LRRN2: variants seen among roughly 807,000 people sequenced by gnomAD.
The protein encoded by LRRN2 is leucine-rich repeat neuronal protein 2.
Under a neutral mutation model 35.7 loss-of-function variants are expected in LRRN2, and 10 were observed. That is an observed-to-expected ratio of 0.28 (90% CI 0.17 to 0.47). The LOEUF is 0.47. Among genes scored for constraint, LRRN2 ranks in the 20% least tolerant of loss-of-function variants. The pLI is 0.99. For missense variants in LRRN2, 731 were observed against 940.3 expected (o/e 0.78, Z 2.91); for synonymous variants, 391 against 409.6 (o/e 0.95, Z 0.55).
chr1:204,663,603 T>C, intron 1 of LRRN2, among the ~76,000 whole-genome samples: 1 of 152,166 alleles, frequency 6.6e-6, no homozygotes, highest in East Asian at 1.9e-4. Flanking sequence ...ACCCACATTG[T>C]CCAAGTCAGA....
intron 1 of LRRN2, among the ~76,000 whole-genome samples, chr1:204,667,663 G>A (rs1668602206): frequency 6.6e-6 from 1 of 152,156 alleles, no homozygotes; most frequent in Non-Finnish European, 1.5e-5. Context: ...CATGGGAGGA[G>A]TTCTCAGGGC....
At chr1:204,627,179 G>C (rs1667448212) in intron 1 of LRRN2, 1 of 152,142 alleles carries the variant, frequency 6.6e-6, no homozygotes, top group Admixed American at 6.5e-5. Context: ...TTCTGTGAGG[G>C]ACATACTTTT....
chr1:204,630,549 G>A (rs139478066), intron 1 of LRRN2, among the ~76,000 whole-genome samples: 2 of 152,108 alleles, frequency 1.3e-5, no homozygotes, highest in African/African-American at 2.4e-5. Context: ...TCCTGGTCTC[G>A]GGGGCGCTGC....
intron 1 of LRRN2, among the ~76,000 whole-genome samples, chr1:204,682,399 A>C (rs1668975051): frequency 6.6e-6 from 1 of 152,208 alleles, no homozygotes; most frequent in South Asian, 2.1e-4. Flanking sequence ...GGCCCCATGA[A>C]AAGTTAGGTT....
chr1:204,671,403 T>TTGTGTGTGTGTGTGTGTGTG (rs60084787), intron 1 of LRRN2, among the ~76,000 whole-genome samples: 1 of 122,880 alleles, frequency 8.1e-6, no homozygotes, highest in African/African-American at 3.0e-5. Flanking sequence ...GTTTGTGTGT[T>TTGTGTGTGTGTGTGTGTGTG]TGTGTGTGTG....
chr1:204,649,768 G>C (rs140071695), intron 1 of LRRN2, among the ~76,000 whole-genome samples: 1 of 152,260 alleles, frequency 6.6e-6, no homozygotes, highest in Non-Finnish European at 1.5e-5. Context: ...ATGACTGGCA[G>C]ACATGGACGT....
Position 204,618,844 on chromosome 1 carries a change from C to A in LRRN2, c.1149G>T (p.Thr383=). 2 of 1,614,070 alleles carry A rather than the reference C, an allele frequency of 1.2e-6. No individual in the cohort carries two copies. The highest frequency in any genetic ancestry group is 1.7e-6 in the Non-Finnish European group (2 of 1,180,024). ...GCTCGATGAAGCGGACACGGGTGCC[C>A]GTGGCATTGGCCCAGCGGATGACAC... The part of the protein sequence containing the change: ...CDCVIRWANA[T]GTRVRFIEPQ... The change falls in exon 2 of 2, where the codon ACG becomes ACT. Residue 383 remains threonine (T), a synonymous_variant. Transcript: ENST00000367177.
At chr1:204,649,330 G>T (rs1668174835) in intron 1 of LRRN2, among the ~76,000 whole-genome samples, 1 of 152,176 alleles carries the variant, frequency 6.6e-6, no homozygotes. Flanking sequence ...GTCCTAGAGG[G>T]CAGGGATAGG....
At chr1:204,643,010 T>C (rs11240234) in intron 1 of LRRN2, among the ~76,000 whole-genome samples, 82,252 of 152,032 alleles carry the variant, frequency 0.54, 23,599 homozygotes, top group East Asian at 0.68. Context: ...ACCCACACCA[T>C]GACGGACATG....
At chr1:204,677,535 T>C (rs1053096382) in intron 1 of LRRN2, among the ~76,000 whole-genome samples, 37 of 152,170 alleles carry the variant, frequency 2.4e-4, no homozygotes, top group Non-Finnish European at 8.8e-5. Flanking sequence ...CGACCAGGAA[T>C]GTTATAGGAG....
At chr1:204,673,582 C>T (rs1392868934) in intron 1 of LRRN2, among the ~76,000 whole-genome samples, 2 of 152,222 alleles carry the variant, frequency 1.3e-5, no homozygotes, top group Non-Finnish European at 2.9e-5. Context: ...CACAAACGCA[C>T]AACAGATTGC....
chr1:204,645,220 C>A (rs1668078573), intron 1 of LRRN2, among the ~76,000 whole-genome samples: 1 of 152,246 alleles, frequency 6.6e-6, no homozygotes, highest in African/African-American at 2.4e-5. Flanking sequence ...CAGAGGCATA[C>A]AATAAGTTGC....
intron 1 of LRRN2, among the ~76,000 whole-genome samples, chr1:204,673,392 T>C (rs1668752406): frequency 6.6e-6 from 1 of 152,222 alleles, no homozygotes; most frequent in African/African-American, 2.4e-5. Context: ...GCTGGTTTCA[T>C]TTTCACAACC....
chr1:204,648,010 A>T (rs980990757), intron 1 of LRRN2, among the ~76,000 whole-genome samples: 3 of 152,206 alleles, frequency 2.0e-5, no homozygotes, highest in Non-Finnish European at 4.4e-5. Context: ...TCTATTGAAC[A>T]TACATTTCTA....
At chr1:204,629,913 A>G (rs1489196236) in intron 1 of LRRN2, among the ~76,000 whole-genome samples, 2 of 152,198 alleles carry the variant, frequency 1.3e-5, no homozygotes, top group Admixed American at 6.5e-5. Context: ...TTGAGCACAC[A>G]TGGACATAAA....
chr1:204,625,755 G>A (rs1299986807), intron 1 of LRRN2, among the ~76,000 whole-genome samples: 1 of 152,216 alleles, frequency 6.6e-6, no homozygotes. Context: ...TCTGGCATTA[G>A]GGAACTTTAA....
chr1:204,622,866 T>C (rs371497171), intron 1 of LRRN2, among the ~76,000 whole-genome samples: 1 of 152,198 alleles, frequency 6.6e-6, no homozygotes, highest in Non-Finnish European at 1.5e-5. Flanking sequence ...GCTACTTGAC[T>C]GCTCTGAGCA....
rs376541295 is a variant in LRRN2, at chr1:204,618,534, C to T, written c.1459G>A (p.Val487Met). 28 of 1,614,182 alleles carry T rather than the reference C, an allele frequency of 1.7e-5. No individual in the cohort carries two copies. The African/African-American group carries it at 3.7e-4, about 22-fold the overall frequency. The change falls in exon 2 of 2, where the codon GTG becomes ATG. Residue 487 changes from valine to methionine, a missense_variant. Transcript: ENST00000367177. ...TATAGCCCTGCCTCTTCTGCTGTCA[C>T]CCTCCGCAGCTCCAGGGTCCCCTCG... Reference protein sequence around the residue: ...YPEGTLELRRVTAEEAGLYTC... With the variant: ...YPEGTLELRRMTAEEAGLYTC...
At chr1:204,645,976 T>TC (rs1435816974) in intron 1 of LRRN2, among the ~76,000 whole-genome samples, 7 of 152,124 alleles carry the variant, frequency 4.6e-5, no homozygotes, top group Non-Finnish European at 8.8e-5. Context: ...CCAAACCATA[T>TC]CACTATGTTA....
Sources: allele counts gnomAD v4.1 joint callset (sites outside exome capture counted in the v4.1 genomes callset), GRCh38; gene constraint gnomAD v4.1.1; transcripts MANE v1.5; gene names NCBI Gene and HGNC (gene_info 2026-07-23, HGNC 2026-07-21).